The following BRD8 variants were observed in gnomAD, a reference collection of about 807,000 sequenced individuals.
BRD8 encodes the protein bromodomain-containing protein 8.
BRD8 carries 67 observed loss-of-function variants against 143.1 expected under a neutral mutation model. The ratio of observed to expected loss-of-function variants is 0.47; its 90% CI spans 0.38 to 0.57. The LOEUF is 0.57. BRD8 is among the 20% of genes least tolerant of loss of function. The pLI, the probability that BRD8 is intolerant of heterozygous loss-of-function variation, is 0.00. For synonymous variants in BRD8, 505 were observed against 517.1 expected (o/e 0.98, Z 0.32); for missense variants, 1,103 against 1,503.0 (o/e 0.73, Z 4.40).
chr5:138,159,535 T>C lies in BRD8; in HGVS notation c.2577+20A>G, dbSNP rs958036166. On this transcript the variant is annotated intron_variant, in intron 20 of 26. Transcript: ENST00000254900. ...GAATCTTTGTGGCAACACCACCCCTTGCAGCCATTCAATACTTACAAAGAG... is the reference window on the plus strand; with the variant it reads ...GAATCTTTGTGGCAACACCACCCCTCGCAGCCATTCAATACTTACAAAGAG... 2.5e-6 allele frequency: 4 copies of C among 1,613,516 alleles called. No homozygotes were observed. The highest frequency in any genetic ancestry group is 3.4e-6 in the Non-Finnish European group (4 of 1,179,576).
intron 2 of BRD8, among the ~76,000 whole-genome samples, chr5:138,175,308 AAGCATGACAATC>A (rs1754232465): frequency 6.6e-6 from 1 of 152,246 alleles, no homozygotes; most frequent in South Asian, 2.1e-4. Context: ...AAATGCTAGG[AAGCATGACAATC>A]AGCAAAGTAC....
Position 138,160,177 on chromosome 5 carries a change from T to C in BRD8, c.2428-4A>G. On this transcript the variant is annotated splice_polypyrimidine_tract_variant and splice_region_variant and intron_variant, in intron 18 of 26. Transcript: ENST00000254900. ...TCAACTGCGTGGCCAAGAATTGCTG[T>C]AGGGAGAAGAAACAGGGTAGGCCAT... The C allele has an allele frequency of 6.2e-7, 1 of 1,611,714 alleles. No individual in the cohort carries two copies. The highest frequency in any genetic ancestry group is 2.2e-5 in the East Asian group (1 of 44,862).
At chr5:138,166,432 T>C in intron 10 of BRD8, 86 bp downstream of exon 10, 1 of 778,964 alleles carries the variant, frequency 1.3e-6, no homozygotes, top group Non-Finnish European at 2.1e-6. Flanking sequence ...AAGAAGCATC[T>C]GAATCGGAGC....
chr5:138,143,674 G>A (rs1048790375), intron 25 of BRD8, among the ~76,000 whole-genome samples: 18 of 131,442 alleles, frequency 1.4e-4, no homozygotes, highest in Middle Eastern at 4.0e-3. Flanking sequence ...ACCAATCAGC[G>A]CTCTGTGTCT....
intron 8 of BRD8, 133 bp downstream of exon 8, chr5:138,169,089 G>A (rs983573713): frequency 3.1e-6 from 3 of 977,100 alleles, no homozygotes; most frequent in African/African-American, 3.3e-5. Flanking sequence ...CACAGAACAT[G>A]GTAAATTAAG....
intron 20 of BRD8, among the ~76,000 whole-genome samples, chr5:138,153,578 G>GT (rs1168264379): frequency 6.6e-6 from 1 of 151,466 alleles, no homozygotes; most frequent in Non-Finnish European, 1.5e-5. Flanking sequence ...ACCACCTGCT[G>GT]TAACATTTCT....
At chr5:138,145,057 T>C in intron 25 of BRD8, 120 bp downstream of exon 25, 1 of 1,014,976 alleles carries the variant, frequency 9.9e-7, no homozygotes, top group South Asian at 1.6e-5. Flanking sequence ...TATAAACTTG[T>C]TTGGCTATGA....
chr5:138,152,900 A>G (rs1487308306), intron 20 of BRD8, 140 bp from the exon 21 acceptor site: 1 of 923,354 alleles, frequency 1.1e-6, no homozygotes, highest in African/African-American at 1.7e-5. Flanking sequence ...AAGAATTAAA[A>G]TCTTGCTGAA....
At position 138,164,568 on chromosome 5, in the gene BRD8, A is replaced by G. The variant is rs565708770; in HGVS notation, c.1731+146T>C. On this transcript the variant is annotated intron_variant, in intron 12 of 26. Transcript: ENST00000254900. ...GTCACCTTAACAGGAATAAGTATAT[A>G]TAACACTAATCACAGCCTATGGGCT... 4.4e-5 allele frequency: 50 copies of G among 1,129,764 alleles called. No homozygotes were observed. The East Asian group carries it at 1.2e-3, about 27-fold the overall frequency. The allele number at this position is 1,129,764 out of a possible 1,614,324, so 70.0% of individuals were successfully genotyped here. A position where few individuals can be genotyped will look rare whatever the true frequency, so the allele number is the denominator to read the frequency against.
intron 23 of BRD8, among the ~76,000 whole-genome samples, chr5:138,147,229 C>T (rs1179483701): frequency 4.7e-5 from 7 of 150,138 alleles, no homozygotes; most frequent in Non-Finnish European, 3.0e-5. Context: ...GCCAGGAGTT[C>T]AAGACCCAGC....
intron 2 of BRD8, among the ~76,000 whole-genome samples, chr5:138,175,135 C>T (rs959891305): frequency 7.2e-5 from 11 of 152,106 alleles, no homozygotes; most frequent in East Asian, 3.9e-4. Flanking sequence ...CCGCCCACCT[C>T]GGCCTCCCAA....
intron 16 of BRD8, 72 bp downstream of exon 16, chr5:138,161,982 C>CAG: frequency 1.9e-6 from 3 of 1,572,674 alleles, no homozygotes; most frequent in Non-Finnish European, 2.6e-6. Context: ...GAAGCCTACT[C>CAG]AGACTTTTTT....
chr5:138,147,281 G>T (rs976006897), intron 23 of BRD8, among the ~76,000 whole-genome samples: 15 of 146,258 alleles, frequency 1.0e-4, no homozygotes, highest in African/African-American at 3.7e-4. Context: ...AGAAAAAAAA[G>T]AAATCTGCTC....
intron 2 of BRD8, among the ~76,000 whole-genome samples, chr5:138,175,311 C>A (rs1002568801): frequency 6.6e-6 from 1 of 152,040 alleles, no homozygotes; most frequent in Admixed American, 6.5e-5. Context: ...TGCTAGGAAG[C>A]ATGACAATCA....
intron 8 of BRD8, chr5:138,168,766 TCTAA>T (rs1753639732): frequency 1.3e-6 from 1 of 748,388 alleles, no homozygotes; most frequent in Non-Finnish European, 2.3e-6. Flanking sequence ...GGTTAGTGTG[TCTAA>T]CTATTATTTT....
At chr5:138,171,437 A>T in intron 3 of BRD8, 27 bp from the exon 4 acceptor site, 2 of 1,434,134 alleles carry the variant, frequency 1.4e-6, no homozygotes, top group Non-Finnish European at 1.9e-6. Flanking sequence ...AAAAAGTGAA[A>T]ATGTGATGAG....
Position 138,162,002 on chromosome 5 carries a change from A to G in BRD8, c.2180+52T>C, listed in dbSNP as rs370848314. ...CTACTCAGACTTTTTTCCAGTCACC[A>G]ACAATGAAGAGTAGGAGAAAATGAA... On this transcript the variant is annotated intron_variant, in intron 16 of 26. Transcript: ENST00000254900. The G allele has an allele frequency of 3.2e-6, 5 of 1,583,670 alleles. No individual in the cohort carries two copies. In the African/African-American group the frequency reaches 5.4e-5, roughly 17 times the overall value.
intron 20 of BRD8, chr5:138,156,921 T>A: frequency 8.2e-7 from 1 of 1,220,518 alleles, no homozygotes; most frequent in Non-Finnish European, 1.0e-6. Context: ...CACACACATT[T>A]CACTGGTGGT....
At chr5:138,143,987 A>G (rs1440427504) in intron 25 of BRD8, among the ~76,000 whole-genome samples, 2 of 152,202 alleles carry the variant, frequency 1.3e-5, no homozygotes, top group Non-Finnish European at 2.9e-5. Flanking sequence ...TCACTCCGCA[A>G]TAAATCTTGC....
Sources: allele counts gnomAD v4.1 joint callset (sites outside exome capture counted in the v4.1 genomes callset), GRCh38; gene constraint gnomAD v4.1.1; transcripts MANE v1.5; gene names NCBI Gene and HGNC (gene_info 2026-07-23, HGNC 2026-07-21).